The following SBF2 variants were observed in gnomAD, a reference collection of about 807,000 sequenced individuals.
SBF2 encodes SET binding factor 2, also known as myotubularin-related protein 13.
In SBF2, 112 loss-of-function variants were observed where a neutral mutation model predicts 225.2. That is an observed-to-expected ratio of 0.50 (90% CI 0.43 to 0.58). The LOEUF is 0.58. Among genes scored for constraint, SBF2 ranks in the 20% least tolerant of loss-of-function variants. The probability of loss-of-function intolerance (pLI) is 0.00; values close to 1 mark genes in which losing one functional copy is unlikely to be tolerated. For synonymous variants in SBF2, 763 were observed against 773.3 expected, an observed-to-expected ratio of 0.99 and a Z score of 0.22; for missense variants, 1,996 against 2,206.2, an observed-to-expected ratio of 0.90 and a Z score of 1.91.
upstream of SBF2, chr11:10,294,223 C>T: frequency 1.9e-6 from 1 of 525,960 alleles, no homozygotes; most frequent in Non-Finnish European, 2.9e-6. Context: ...GCGCTCTGCG[C>T]TTGCGCGGCG....
intron 17 of SBF2, among the ~76,000 whole-genome samples, chr11:9,879,899 T>G (rs555986294): frequency 1.3e-5 from 2 of 151,764 alleles, no homozygotes. Flanking sequence ...CCCTGGCCAA[T>G]GTGGCAAAAC....
At position 10,000,940 on chromosome 11, in the gene SBF2, C is replaced by T; in HGVS notation, c.835G>A (p.Val279Ile). Residue 279 changes from valine to isoleucine, a missense_variant, in exon 8 of 40, where the codon GTC (valine) becomes ATC (isoleucine). Val to Ile is a conservative substitution (Grantham distance 29). Coordinates refer to ENST00000256190, the MANE Select transcript of SBF2 (RefSeq NM_030962.4). ...PTPFIIGVHS[V>I]FKTDVHELLD... ...AGTTCATGGACATCAGTTTTAAAGA[C>T]AGAATGTACTCCAATAATGAAAGGC... 2 of 1,598,226 alleles carry T rather than the reference C, an allele frequency of 1.3e-6. No homozygotes were observed. The highest frequency in any genetic ancestry group is 1.3e-5 in the African/African-American group (1 of 74,646).
intron 6 of SBF2, among the ~76,000 whole-genome samples, chr11:10,008,647 G>C (rs1462525492): frequency 6.6e-6 from 1 of 152,236 alleles, no homozygotes; most frequent in African/African-American, 2.4e-5. Context: ...CAATGGGACA[G>C]ATGGGAAAAA....
intron 2 of SBF2, among the ~76,000 whole-genome samples, chr11:10,047,575 C>T (rs1314213222): frequency 6.6e-6 from 1 of 152,116 alleles, no homozygotes; most frequent in African/African-American, 2.4e-5. Context: ...CCCTTTGATC[C>T]AACCCATGTT....
intron 16 of SBF2, among the ~76,000 whole-genome samples, chr11:9,900,424 C>T (rs1031988783): frequency 6.6e-6 from 1 of 152,156 alleles, no homozygotes; most frequent in Non-Finnish European, 1.5e-5. Context: ...TCATTCTCCA[C>T]CCTGCATAAC....
intron 2 of SBF2, among the ~76,000 whole-genome samples, chr11:10,135,415 G>A (rs1954300544): frequency 6.6e-6 from 1 of 152,212 alleles, no homozygotes. Flanking sequence ...TCTGCAGCTG[G>A]CTTGAATTTC....
chr11:9,836,301 T>C (rs908518802), intron 26 of SBF2, among the ~76,000 whole-genome samples: 2 of 152,176 alleles, frequency 1.3e-5, no homozygotes, highest in African/African-American at 4.8e-5. Flanking sequence ...CTTTTACATA[T>C]AGATCTATAG....
intron 17 of SBF2, among the ~76,000 whole-genome samples, chr11:9,886,600 C>CT (rs5789624): frequency 4.1e-4 from 61 of 150,430 alleles, no homozygotes; most frequent in Admixed American, 4.6e-4. Flanking sequence ...ATTTCTGCCT[C>CT]TTTTTTTTTG....
chr11:10,210,584 G>A lies in SBF2; in HGVS notation c.56-16597C>T, dbSNP rs140595145. On this transcript the variant is annotated intron_variant, in intron 1 of 39. Transcript: ENST00000256190. ...AAATAGTATTAGGAGACAACTGGCC[G>A]TTTCTACCAGAGTCAGCTCTTAGTC... Among the ~76,000 whole-genome samples the A allele has an allele frequency of 6.4e-4, 97 of 152,196 alleles. 1 individual carries two copies. Among genetic ancestry groups the A allele is most frequent in the Middle Eastern group, 3.4e-3 (1 of 294 alleles).
intron 26 of SBF2, chr11:9,839,152 C>A: frequency 3.1e-6 from 1 of 326,664 alleles, no homozygotes; most frequent in South Asian, 2.8e-5. Context: ...GTTTGTGGCT[C>A]CCCAGCCTAC....
chr11:10,294,961 A>G (rs1964443135), upstream of SBF2, among the ~76,000 whole-genome samples: 1 of 152,248 alleles, frequency 6.6e-6, no homozygotes, highest in Admixed American at 6.5e-5. Context: ...AAACATGCAC[A>G]AAAATGAATA....
At chr11:10,258,750 T>C (rs577101627) in intron 1 of SBF2, among the ~76,000 whole-genome samples, 1 of 152,202 alleles carries the variant, frequency 6.6e-6, no homozygotes, top group Non-Finnish European at 1.5e-5. Flanking sequence ...CAAAGGAATA[T>C]AGCCCATTCA....
intron 17 of SBF2, among the ~76,000 whole-genome samples, chr11:9,884,129 G>A (rs944445048): frequency 7.2e-5 from 11 of 152,264 alleles, no homozygotes; most frequent in African/African-American, 2.6e-4. Context: ...AGCACTCCAG[G>A]TGATTCTAAT....
At chr11:9,872,301 C>G (rs926588267) in intron 17 of SBF2, among the ~76,000 whole-genome samples, 1 of 152,130 alleles carries the variant, frequency 6.6e-6, no homozygotes, top group Non-Finnish European at 1.5e-5. Flanking sequence ...AAGAACAACA[C>G]ACACTGGGGC....
chr11:10,066,721 C>T (rs1019876637), intron 2 of SBF2, among the ~76,000 whole-genome samples: 3 of 152,150 alleles, frequency 2.0e-5, no homozygotes, highest in African/African-American at 7.2e-5. Flanking sequence ...AAGATAGGCA[C>T]GTCTTCTATC....
chr11:10,161,802 A>C (rs1228432020), intron 2 of SBF2, among the ~76,000 whole-genome samples: 1 of 119,988 alleles, frequency 8.3e-6, no homozygotes. Flanking sequence ...CTCCTTCTCT[A>C]CAAAAAAAAA....
chr11:10,279,676 G>A (rs995202360), intron 1 of SBF2, among the ~76,000 whole-genome samples: 16 of 152,100 alleles, frequency 1.1e-4, no homozygotes, highest in African/African-American at 3.9e-4. Context: ...TTGAGACAGA[G>A]TCTCCCTCTG....
intron 16 of SBF2, among the ~76,000 whole-genome samples, chr11:9,919,414 A>T (rs937583351): frequency 6.6e-6 from 1 of 152,072 alleles, no homozygotes; most frequent in Non-Finnish European, 1.5e-5. Flanking sequence ...GGCTGGGGGC[A>T]TCGGCAAGAC....
At chr11:9,966,714 A>C (rs574741679) in intron 14 of SBF2, among the ~76,000 whole-genome samples, 1 of 152,372 alleles carries the variant, frequency 6.6e-6, no homozygotes, top group African/African-American at 2.4e-5. Context: ...ATAAAAAGGC[A>C]AATAGCCCAA....
Sources: gnomAD v4.1 joint callset for allele counts (sites outside exome capture counted in the v4.1 genomes callset) on GRCh38, gnomAD v4.1.1 for gene constraint, MANE v1.5 for transcripts, NCBI Gene and HGNC (gene_info 2026-07-23, HGNC 2026-07-21) for gene names.